The following KPNA3 variants were observed in gnomAD, a reference collection of about 807,000 sequenced individuals.
KPNA3 encodes karyopherin subunit alpha 3.
A neutral mutation model predicts 73.8 loss-of-function variants in KPNA3; 13 were observed. That is an observed-to-expected ratio of 0.18 (90% confidence interval 0.11 to 0.28). The LOEUF is 0.28. Ranked by LOEUF, KPNA3 falls within the 10% of genes least tolerant of loss-of-function variation. The probability of loss-of-function intolerance (pLI) is 1.00; values close to 1 mark genes in which losing one functional copy is unlikely to be tolerated. For missense variants in KPNA3, 360 were observed against 618.1 expected (o/e 0.58, Z 4.43); for synonymous variants, 186 against 206.9 (o/e 0.90, Z 0.87).
chr13:49,734,829 T>C (rs1445010725), intron 2 of KPNA3, among the ~76,000 whole-genome samples: 1 of 152,040 alleles, frequency 6.6e-6, no homozygotes, highest in East Asian at 1.9e-4. Context: ...GTTTATTCAT[T>C]ACTAAGAAAA....
chr13:49,777,344 C>T (rs1954905657), intron 1 of KPNA3, among the ~76,000 whole-genome samples: 2 of 152,110 alleles, frequency 1.3e-5, no homozygotes, highest in African/African-American at 4.8e-5. Context: ...GTTCCAGGAC[C>T]TCCTAATACC....
chr13:49,753,420 T>C (rs555278177), intron 1 of KPNA3, among the ~76,000 whole-genome samples: 1 of 152,334 alleles, frequency 6.6e-6, no homozygotes, highest in South Asian at 2.1e-4. Context: ...ACAACTGTTA[T>C]AAACACAACT....
rs187217653 is a variant in KPNA3, at chr13:49,701,324, C to G, written c.*476G>C. Reference sequence around the variant, plus strand: ...TTGTACTTTAAAATCTATTCTTCCACATAAAGAATATGAAAATATGTTTGT... The same window carrying G: ...TTGTACTTTAAAATCTATTCTTCCAGATAAAGAATATGAAAATATGTTTGT... On this transcript the variant is annotated 3_prime_UTR_variant, in exon 17 of 17. Transcript: ENST00000261667. The G allele has an allele frequency of 5.0e-6, 1 of 200,690 alleles. No individual in the cohort carries two copies. 12.4% of individuals were successfully genotyped at this position (200,690 alleles called of 1,614,324 possible). A position where few individuals can be genotyped will look rare whatever the true frequency, so the allele number is the denominator to read the frequency against.
At chr13:49,789,242 T>G (rs1199839827) in intron 1 of KPNA3, among the ~76,000 whole-genome samples, 1 of 152,190 alleles carries the variant, frequency 6.6e-6, no homozygotes, top group African/African-American at 2.4e-5. Flanking sequence ...AAGTCTCCTC[T>G]CTTTAATATA....
At chr13:49,741,729 T>C (rs542602880) in intron 2 of KPNA3, among the ~76,000 whole-genome samples, 17 of 152,168 alleles carry the variant, frequency 1.1e-4, no homozygotes, top group Non-Finnish European at 1.8e-4. Flanking sequence ...GCTGGGATTA[T>C]AGGCGTGAGC....
In KPNA3 at chr13:49,759,670, C is replaced by G. The variant is rs951078399; in HGVS notation, c.70-12677G>C. ...TGCACAGTTCACAGCAGGGTTTGTG[C>G]TCCTTTGAGAATCAAATGCAGCTGC... On this transcript the variant is annotated intron_variant, in intron 1 of 16. Transcript: ENST00000261667. 2.6e-5 allele frequency among the ~76,000 whole-genome samples: 4 copies of G among 152,122 alleles called. No homozygotes were observed. In the East Asian group the frequency reaches 7.7e-4, roughly 29 times the overall value.
chr13:49,730,726 G>A (rs1193261493), intron 6 of KPNA3, among the ~76,000 whole-genome samples: 3 of 146,490 alleles, frequency 2.0e-5, no homozygotes, highest in Non-Finnish European at 3.0e-5. Flanking sequence ...CCATTAACTC[G>A]TCATTCAGCA....
intron 1 of KPNA3, among the ~76,000 whole-genome samples, chr13:49,777,562 T>C (rs1369259325): frequency 2.0e-5 from 3 of 152,214 alleles, no homozygotes; most frequent in Admixed American, 1.3e-4. Flanking sequence ...TGGAGTGCAG[T>C]AGTGCAGTGC....
intron 15 of KPNA3, among the ~76,000 whole-genome samples, chr13:49,704,475 AAATAAAT>A (rs1954187085): frequency 3.6e-5 from 4 of 112,006 alleles, no homozygotes; most frequent in African/African-American, 1.2e-4. Flanking sequence ...ATAAATAAAT[AAATAAAT>A]AGAAAGAAAG....
chr13:49,718,437 T>C lies in KPNA3; in HGVS notation c.771+1338A>G, dbSNP rs1449885485. On this transcript the variant is annotated intron_variant, in intron 10 of 16. Transcript: ENST00000261667. ...CACTGCCACTTTAATACCCCAGCTTTCACATAAACACAACCAACAGATGGT... is the reference window on the plus strand; with the variant it reads ...CACTGCCACTTTAATACCCCAGCTTCCACATAAACACAACCAACAGATGGT... Among the ~76,000 whole-genome samples the C allele has an allele frequency of 2.6e-5, 4 of 152,154 alleles. No individual in the cohort carries two copies. The East Asian group carries it at 7.7e-4, about 29-fold the overall frequency.
At chr13:49,732,293 G>T in intron 6 of KPNA3, 78 bp downstream of exon 6, 1 of 629,460 alleles carries the variant, frequency 1.6e-6, no homozygotes, top group South Asian at 2.4e-5. Flanking sequence ...AAACCAAACT[G>T]AACTCACTGG....
At chr13:49,732,800 TCAG>T in intron 3 of KPNA3, 24 bp from the exon 4 acceptor site, 1 of 1,524,704 alleles carries the variant, frequency 6.6e-7, no homozygotes, top group South Asian at 1.2e-5. Flanking sequence ...AAAAAATAGT[TCAG>T]CAGAGTTTAT....
intron 6 of KPNA3, among the ~76,000 whole-genome samples, chr13:49,728,840 A>G (rs1428535104): frequency 6.6e-6 from 1 of 152,256 alleles, no homozygotes; most frequent in African/African-American, 2.4e-5. Context: ...CATTCTGCTC[A>G]TCAAACAAGA....
At chr13:49,772,888 A>G (rs1245524601) in intron 1 of KPNA3, among the ~76,000 whole-genome samples, 2 of 152,222 alleles carry the variant, frequency 1.3e-5, no homozygotes, top group African/African-American at 4.8e-5. Flanking sequence ...AAACACATAG[A>G]CTTGTACTGA....
In KPNA3 at chr13:49,792,542, G is replaced by C; in HGVS notation, c.-36C>G. 1 of 1,514,272 alleles carries C rather than the reference G, an allele frequency of 6.6e-7. No individual in the cohort carries two copies. Among genetic ancestry groups the C allele is most frequent in the South Asian group, 1.2e-5 (1 of 85,938 alleles). 93.8% of individuals were successfully genotyped at this position (1,514,272 alleles called of 1,614,324 possible). A position where few individuals can be genotyped will look rare whatever the true frequency, so the allele number is the denominator to read the frequency against. Reference sequence around the variant, plus strand: ...GGCTCCGGCGGCGGCTACTCCTGCGGCTGCGGCGGCGGCGGCGGCGAATCT... The same window carrying C: ...GGCTCCGGCGGCGGCTACTCCTGCGCCTGCGGCGGCGGCGGCGGCGAATCT... On this transcript the variant is annotated 5_prime_UTR_variant, in exon 1 of 17. Transcript: ENST00000261667.
At chr13:49,738,491 T>G (rs1954544870) in intron 2 of KPNA3, among the ~76,000 whole-genome samples, 1 of 152,220 alleles carries the variant, frequency 6.6e-6, no homozygotes, top group South Asian at 2.1e-4. Flanking sequence ...AAGAACACAG[T>G]ATACATCTCT....
intron 1 of KPNA3, among the ~76,000 whole-genome samples, chr13:49,781,086 A>G (rs1954937259): frequency 6.6e-6 from 1 of 152,122 alleles, no homozygotes; most frequent in African/African-American, 2.4e-5. Context: ...GGCTTGCCCA[A>G]GATTTACCAT....
chr13:49,759,746 G>T (rs1407636), intron 1 of KPNA3, among the ~76,000 whole-genome samples: 33,273 of 152,154 alleles, frequency 0.22, 3,828 homozygotes, highest in South Asian at 0.38. Flanking sequence ...ATGAGGAGCA[G>T]CTGTAAATAC....
intron 1 of KPNA3, among the ~76,000 whole-genome samples, chr13:49,761,883 C>T (rs9535329): frequency 4.0e-5 from 6 of 149,260 alleles, no homozygotes; most frequent in Admixed American, 6.7e-5. Flanking sequence ...CGCCTCTGCC[C>T]AGCCACGACT....
Sources: gnomAD v4.1 joint callset for allele counts (sites outside exome capture counted in the v4.1 genomes callset) on GRCh38, gnomAD v4.1.1 for gene constraint, MANE v1.5 for transcripts, NCBI Gene and HGNC (gene_info 2026-07-23, HGNC 2026-07-21) for gene names.